The following UBE3D variants were observed in gnomAD, a reference collection of about 807,000 sequenced individuals.
UBE3D encodes E3 ubiquitin-protein ligase E3D.
A neutral mutation model predicts 49.6 loss-of-function variants in UBE3D; 48 were observed. The ratio of observed to expected loss-of-function variants is 0.97; its 90% confidence interval spans 0.77 to 1.23. The LOEUF (loss-of-function observed/expected upper bound fraction) is 1.23, where lower values mean the gene tolerates loss of function less well. UBE3D is among the 50% of genes most tolerant of loss of function. The probability of loss-of-function intolerance (pLI) is 0.00; values close to 1 mark genes in which losing one functional copy is unlikely to be tolerated. For synonymous variants in UBE3D, 189 were observed against 174.2 expected, an observed-to-expected ratio of 1.08 and a Z score of -0.67; for missense variants, 452 against 468.4, an observed-to-expected ratio of 0.96 and a Z score of 0.32.
chr6:82,965,743 T>G (rs1181148014), intron 8 of UBE3D, among the ~76,000 whole-genome samples: 1 of 152,074 alleles, frequency 6.6e-6, no homozygotes, highest in African/African-American at 2.4e-5. Context: ...AACTTTTCAT[T>G]ATGGAAAATT....
intron 5 of UBE3D, among the ~76,000 whole-genome samples, chr6:83,027,675 G>A (rs79815897): frequency 0.023 from 3,563 of 152,022 alleles, 60 homozygotes; most frequent in Non-Finnish European, 0.039. Flanking sequence ...TTCTTTAGCT[G>A]CATTTAAGAT....
intron 6 of UBE3D, among the ~76,000 whole-genome samples, chr6:83,023,581 C>T (rs1194902244): frequency 6.6e-6 from 1 of 152,208 alleles, no homozygotes; most frequent in African/African-American, 2.4e-5. Context: ...ATGGCATTCA[C>T]AGCATCCTGG....
At chr6:83,064,212 T>TA (rs1387819436) in intron 1 of UBE3D, among the ~76,000 whole-genome samples, 1 of 152,136 alleles carries the variant, frequency 6.6e-6, no homozygotes, top group Non-Finnish European at 1.5e-5. Context: ...AAGTTAGGTT[T>TA]CTTTTTTTTT....
In UBE3D at chr6:82,943,473, T is replaced by C. The variant is rs574105934; in HGVS notation, c.1149+13839A>G. Among the ~76,000 whole-genome samples the C allele has an allele frequency of 1.5e-4, 23 of 151,994 alleles. No homozygotes were observed. The East Asian group carries it at 4.3e-3, about 28-fold the overall frequency. On this transcript the variant is annotated intron_variant, in intron 9 of 9. Transcript: ENST00000369747. Reference sequence around the variant, plus strand: ...CAACATGGTGAAACCCCGTGTCCACTAAAAGTACAAAAATTAGCTGGGCAT... The same window carrying C: ...CAACATGGTGAAACCCCGTGTCCACCAAAAGTACAAAAATTAGCTGGGCAT...
chr6:82,977,206 T>C (rs1043293237), intron 8 of UBE3D, among the ~76,000 whole-genome samples: 87 of 151,934 alleles, frequency 5.7e-4, no homozygotes, highest in African/African-American at 2.0e-3. Flanking sequence ...GAATTTTCAC[T>C]TTTGATCACT....
chr6:83,014,049 T>C (rs915551431), intron 8 of UBE3D, among the ~76,000 whole-genome samples: 3 of 152,226 alleles, frequency 2.0e-5, no homozygotes, highest in Admixed American at 2.0e-4. Context: ...AAAAAGGCAT[T>C]TGCCAAATCA....
chr6:82,904,963 T>C (rs1582294490), intron 9 of UBE3D, among the ~76,000 whole-genome samples: 1 of 152,042 alleles, frequency 6.6e-6, no homozygotes, highest in African/African-American at 2.4e-5. Flanking sequence ...ACTGGCTGGA[T>C]TGTGTAGGGG....
intron 2 of UBE3D, among the ~76,000 whole-genome samples, chr6:83,057,074 A>G (rs992163405): frequency 3.9e-5 from 6 of 152,244 alleles, no homozygotes; most frequent in Non-Finnish European, 5.9e-5. Flanking sequence ...TGTTGTAAAT[A>G]TAACAGGCAT....
At chr6:82,936,889 G>A (rs1179602439) in intron 9 of UBE3D, among the ~76,000 whole-genome samples, 1 of 152,174 alleles carries the variant, frequency 6.6e-6, no homozygotes, top group Non-Finnish European at 1.5e-5. Context: ...ACTACTAGAA[G>A]TTAGAATCAG....
At chr6:83,014,704 A>G (rs1473666799) in intron 8 of UBE3D, among the ~76,000 whole-genome samples, 1 of 152,102 alleles carries the variant, frequency 6.6e-6, no homozygotes, top group African/African-American at 2.4e-5. Context: ...AAAAGGCTGG[A>G]TTTCTCCTTG....
At chr6:82,892,254 T>C (rs973831573), downstream of UBE3D, 1 of 152,362 alleles carries the variant, frequency 6.6e-6, no homozygotes, top group East Asian at 1.9e-4. Flanking sequence ...AGCTGTGTGA[T>C]TCTAGGCAAG....
intron 3 of UBE3D, among the ~76,000 whole-genome samples, chr6:83,047,266 CGG>C (rs1783124105): frequency 1.3e-5 from 2 of 152,120 alleles, no homozygotes; most frequent in Non-Finnish European, 2.9e-5. Flanking sequence ...ACACTGCTTA[CGG>C]TAAAAATGAT....
chr6:82,925,163 C>T lies in UBE3D; in HGVS notation c.1150-32121G>A, dbSNP rs890339736. Reference sequence around the variant, plus strand: ...GTACAAAAAAGTGAATGATAAAGGCCAGTGATACAGATATATCTGTAAGCA... The same window carrying T: ...GTACAAAAAAGTGAATGATAAAGGCTAGTGATACAGATATATCTGTAAGCA... On this transcript the variant is annotated intron_variant, in intron 9 of 9. Coordinates refer to ENST00000369747, the MANE Select transcript of UBE3D (RefSeq NM_198920.3). 2.0e-5 allele frequency: 3 copies of T among 152,186 alleles called. No individual in the cohort carries two copies. In the East Asian group the frequency reaches 5.8e-4, roughly 29 times the overall value. 9.4% of individuals were successfully genotyped at this position (152,186 alleles called of 1,614,324 possible).
intron 9 of UBE3D, among the ~76,000 whole-genome samples, chr6:82,953,125 C>T (rs1775919523): frequency 6.6e-6 from 1 of 152,198 alleles, no homozygotes; most frequent in Non-Finnish European, 1.5e-5. Flanking sequence ...TTCTGAAGCA[C>T]ACAGAGTGAA....
chr6:82,943,407 G>A (rs1367716821), intron 9 of UBE3D, among the ~76,000 whole-genome samples: 1 of 152,112 alleles, frequency 6.6e-6, no homozygotes. Flanking sequence ...AAGCTGATGC[G>A]GGAGAATTGC....
chr6:83,038,755 A>G (rs1782445097), intron 4 of UBE3D, among the ~76,000 whole-genome samples: 10 of 152,116 alleles, frequency 6.6e-5, no homozygotes, highest in Admixed American at 5.9e-4. Flanking sequence ...AATAAGTAGT[A>G]CCTTATATTT....
chr6:82,967,460 C>A lies in UBE3D; in HGVS notation c.1011-10010G>T, dbSNP rs141992780. On this transcript the variant is annotated intron_variant, in intron 8 of 9. Coordinates refer to ENST00000369747, the MANE Select transcript of UBE3D (RefSeq NM_198920.3). ...AGATAACTCTTTAGAGGCACAACCA[C>A]CTCCCTTCCCCATCGCCTCCACTCC... 3.3e-5 allele frequency among the ~76,000 whole-genome samples: 5 copies of A among 152,028 alleles called. No individual in the cohort carries two copies. In the South Asian group the frequency reaches 1.0e-3, roughly 31 times the overall value.
intron 5 of UBE3D, among the ~76,000 whole-genome samples, chr6:83,030,525 C>A (rs1276430267): frequency 6.6e-6 from 1 of 152,172 alleles, no homozygotes; most frequent in Non-Finnish European, 1.5e-5. Flanking sequence ...GTCCATTAAA[C>A]CTCTTTTTCT....
intron 6 of UBE3D, among the ~76,000 whole-genome samples, chr6:83,023,484 A>G (rs1222114848): frequency 6.6e-6 from 1 of 152,214 alleles, no homozygotes; most frequent in African/African-American, 2.4e-5. Flanking sequence ...GAATTCCCAT[A>G]TGATCAATTG....
Sources: allele counts gnomAD v4.1 joint callset (sites outside exome capture counted in the v4.1 genomes callset), GRCh38; gene constraint gnomAD v4.1.1; transcripts MANE v1.5; gene names NCBI Gene and HGNC (gene_info 2026-07-23, HGNC 2026-07-21).